The following WIF1 variants were observed in gnomAD, a reference collection of about 807,000 sequenced individuals.
The protein encoded by WIF1 is Wnt inhibitory factor 1.
In WIF1, 35 loss-of-function variants were observed where a neutral mutation model predicts 53.5. The ratio of observed to expected loss-of-function variants is 0.65; its 90% CI spans 0.50 to 0.87. WIF1 has a LOEUF of 0.87. Among genes scored for constraint, WIF1 ranks in the 40% least tolerant of loss-of-function variants. The pLI is 0.00. For synonymous variants in WIF1, 171 were observed against 170.4 expected (o/e 1.00, Z -0.03); for missense variants, 467 against 476.8 (o/e 0.98, Z 0.19).
intron 2 of WIF1, among the ~76,000 whole-genome samples, chr12:65,110,268 C>T (rs1883410557): frequency 7.2e-6 from 1 of 139,518 alleles, no homozygotes; most frequent in African/African-American, 2.6e-5. Context: ...CTTCCCCTGG[C>T]CCCCAATATT....
At chr12:65,052,379 A>G (rs1219526286) in intron 9 of WIF1, among the ~76,000 whole-genome samples, 1 of 152,174 alleles carries the variant, frequency 6.6e-6, no homozygotes, top group Non-Finnish European at 1.5e-5. Context: ...TGAGCCAGCA[A>G]TGAGTTGGAG....
At chr12:65,106,554 G>A (rs949974812) in intron 2 of WIF1, among the ~76,000 whole-genome samples, 1 of 151,890 alleles carries the variant, frequency 6.6e-6, no homozygotes, top group African/African-American at 2.4e-5. Flanking sequence ...AGTAGAGATG[G>A]GGTTTCACCA....
chr12:65,100,847 C>T (rs1181432056), intron 2 of WIF1, among the ~76,000 whole-genome samples: 1 of 152,042 alleles, frequency 6.6e-6, no homozygotes. Flanking sequence ...ATACTGAGAT[C>T]CCATCTCTAC....
chr12:65,088,930 CAA>C (rs1883083068), intron 2 of WIF1, among the ~76,000 whole-genome samples: 1 of 152,048 alleles, frequency 6.6e-6, no homozygotes, highest in Non-Finnish European at 1.5e-5. Context: ...ATCTATGACT[CAA>C]AAAAGTTAAG....
At chr12:65,120,766 A>T in intron 1 of WIF1, 2 of 792,214 alleles carry the variant, frequency 2.5e-6, no homozygotes, top group Non-Finnish European at 1.9e-6. Context: ...GGGAAAAGGG[A>T]TGGACATGGA....
At chr12:65,081,695 G>A (rs1882953143) in intron 2 of WIF1, among the ~76,000 whole-genome samples, 1 of 152,134 alleles carries the variant, frequency 6.6e-6, no homozygotes, top group South Asian at 2.1e-4. Context: ...GCAGTTACCA[G>A]AGTAAATCGT....
At chr12:65,075,794 A>G (rs1882852141) in intron 3 of WIF1, among the ~76,000 whole-genome samples, 1 of 152,196 alleles carries the variant, frequency 6.6e-6, no homozygotes, top group African/African-American at 2.4e-5. Flanking sequence ...AAGCCTCTGC[A>G]TATTCTCCCC....
intron 6 of WIF1, among the ~76,000 whole-genome samples, chr12:65,065,330 G>A (rs1363250915): frequency 6.6e-6 from 1 of 152,108 alleles, no homozygotes; most frequent in African/African-American, 2.4e-5. Context: ...ACCAAGGGCT[G>A]AATTAGGTAG....
At chr12:65,094,917 T>G (rs1363069632) in intron 2 of WIF1, among the ~76,000 whole-genome samples, 1 of 107,598 alleles carries the variant, frequency 9.3e-6, no homozygotes, top group East Asian at 2.0e-4. Flanking sequence ...TATTTATTTA[T>G]TTATTTATTT....
chr12:65,088,464 A>C (rs1883075144), intron 2 of WIF1, among the ~76,000 whole-genome samples: 1 of 151,678 alleles, frequency 6.6e-6, no homozygotes, highest in Non-Finnish European at 1.5e-5. Context: ...AAGATTAAAA[A>C]CTCTGTCTCT....
chr12:65,091,776 C>T (rs1220000966), intron 2 of WIF1, among the ~76,000 whole-genome samples: 1 of 152,126 alleles, frequency 6.6e-6, no homozygotes, highest in Non-Finnish European at 1.5e-5. Context: ...GAGATACACA[C>T]AGAAGAGCAA....
intron 3 of WIF1, among the ~76,000 whole-genome samples, chr12:65,071,231 C>CAAAAAAAAAAAA: frequency 1.4e-5 from 1 of 71,150 alleles, no homozygotes; most frequent in Non-Finnish European, 2.6e-5. Context: ...AAGACTCCAT[C>CAAAAAAAAAAAA]AAAAAAAAAA....
At chr12:65,078,290 G>A (rs750109861) in intron 2 of WIF1, among the ~76,000 whole-genome samples, 1 of 152,074 alleles carries the variant, frequency 6.6e-6, no homozygotes, top group African/African-American at 2.4e-5. Context: ...TGTTGCCGGG[G>A]TCTGTCTCGA....
At chr12:65,091,789 C>A (rs1883126716) in intron 2 of WIF1, among the ~76,000 whole-genome samples, 1 of 152,124 alleles carries the variant, frequency 6.6e-6, no homozygotes, top group South Asian at 2.1e-4. Context: ...AAGAGCAAAT[C>A]ATTATATCTG....
chr12:65,114,209 GA>G (rs904059661), intron 2 of WIF1, among the ~76,000 whole-genome samples: 4 of 150,896 alleles, frequency 2.7e-5, no homozygotes, highest in South Asian at 4.2e-4. Flanking sequence ...GGGAGAAAGG[GA>G]AAAAAAACCA....
rs566837436 is a variant in WIF1 at position 65,054,686 on chromosome 12, T to C, written c.1018+432A>G. On this transcript the variant is annotated intron_variant, in intron 9 of 9. Coordinates refer to ENST00000286574, the MANE Select transcript of WIF1 (RefSeq NM_007191.5). ...CAAAATGCTTCATGTTTTATAATGA[T>C]ACTTGACAAATCATGAATTATAAAA... Among the ~76,000 whole-genome samples, 4 of 152,368 alleles carry C rather than the reference T, an allele frequency of 2.6e-5. No homozygotes were observed. The South Asian group carries it at 8.3e-4, about 32-fold the overall frequency.
chr12:65,087,838 G>T, intron 2 of WIF1, among the ~76,000 whole-genome samples: 1 of 151,936 alleles, frequency 6.6e-6, no homozygotes, highest in South Asian at 2.1e-4. Flanking sequence ...GAAAAAAAAA[G>T]TCTGTAACCT....
chr12:65,081,292 G>A (rs1301253895), intron 2 of WIF1, among the ~76,000 whole-genome samples: 1 of 152,062 alleles, frequency 6.6e-6, no homozygotes, highest in African/African-American at 2.4e-5. Flanking sequence ...CCTTGAAAGT[G>A]CAGCAATTTG....
chr12:65,115,828 G>A (rs1883500378), intron 2 of WIF1, among the ~76,000 whole-genome samples: 1 of 152,118 alleles, frequency 6.6e-6, no homozygotes, highest in Admixed American at 6.5e-5. Flanking sequence ...AGAAAGATTT[G>A]GGGGGACCTC....
Sources: gnomAD v4.1 joint callset for allele counts (sites outside exome capture counted in the v4.1 genomes callset) on GRCh38, gnomAD v4.1.1 for gene constraint, MANE v1.5 for transcripts, NCBI Gene and HGNC (gene_info 2026-07-23, HGNC 2026-07-21) for gene names.